PIAS1: variants seen among roughly 807,000 people sequenced by gnomAD.
The protein encoded by PIAS1 is protein inhibitor of activated STAT 1.
Under a neutral mutation model 71.3 loss-of-function variants are expected in PIAS1, and 6 were observed. The ratio of observed to expected loss-of-function variants is 0.08; its 90% confidence interval spans 0.05 to 0.17. The LOEUF is 0.17. Among genes scored for constraint, PIAS1 ranks in the 10% least tolerant of loss-of-function variants. The pLI is 1.00. For missense variants in PIAS1, 555 were observed against 793.6 expected (o/e 0.70, Z 3.61); for synonymous variants, 303 against 292.9 (o/e 1.03, Z -0.35).
intron 1 of PIAS1, among the ~76,000 whole-genome samples, chr15:68,068,509 A>G (rs1214481294): frequency 2.0e-5 from 3 of 151,988 alleles, no homozygotes; most frequent in South Asian, 2.1e-4. Flanking sequence ...TTGGAGTACA[A>G]TGGCGCTATC....
At position 68,192,670 on chromosome 15, in the gene PIAS1, C is replaced by CA. The variant is rs770584767; in HGVS notation, c.*4836dup. 6.6e-6 allele frequency: 1 copy of CA among 152,194 alleles called. No homozygotes were observed. The highest frequency in any genetic ancestry group is 6.5e-5 in the Admixed American group (1 of 15,278). 9.4% of individuals were successfully genotyped at this position (152,194 alleles called of 1,614,324 possible). On this transcript the variant is annotated 3_prime_UTR_variant, in exon 14 of 14. Coordinates refer to ENST00000249636, the MANE Select transcript of PIAS1 (RefSeq NM_016166.3). Reference sequence around the variant, plus strand: ...CTAACACTACAACTCTTGTTCCCTGCAGTTTTCCCTGTGCCCGGTGCCTAG... The same window carrying CA: ...CTAACACTACAACTCTTGTTCCCTGCAAGTTTTCCCTGTGCCCGGTGCCTAG...
At chr15:68,055,219 G>C (rs2091882814) in intron 1 of PIAS1, 1 of 985,112 alleles carries the variant, frequency 1.0e-6, no homozygotes, top group Admixed American at 6.1e-5. Context: ...TGGCGATGCT[G>C]TAGCTGATGG....
At position 68,093,805 on chromosome 15, in the gene PIAS1, T is replaced by G. The variant is rs139214713; in HGVS notation, c.469+7055T>G. On this transcript the variant is annotated intron_variant, in intron 2 of 13. Coordinates refer to ENST00000249636, the MANE Select transcript of PIAS1 (RefSeq NM_016166.3). ...ATAATGAGTATAAAAATGAAATAAT[T>G]TCCTAGTCATTTTTTCTTGTCTGTT... Among the ~76,000 whole-genome samples the G allele has an allele frequency of 3.4e-3, 511 of 152,304 alleles. 3 individuals carry two copies. Among genetic ancestry groups the G allele is most frequent in the African/African-American group, 0.011 (455 of 41,566 alleles).
chr15:68,065,915 C>CTTTTTTTTTTTT lies in PIAS1; in HGVS notation c.24+11582_24+11593dup, dbSNP rs869104577. Among the ~76,000 whole-genome samples, 70 of 40,174 alleles carry CTTTTTTTTTTTT rather than the reference C, an allele frequency of 1.7e-3. 16 individuals carry two copies. Among genetic ancestry groups the CTTTTTTTTTTTT allele is most frequent in the African/African-American group, 8.2e-3 (62 of 7,532 alleles). 26.4% of individuals were successfully genotyped at this position (40,174 alleles called of 152,430 possible). A position where few individuals can be genotyped will look rare whatever the true frequency, so the allele number is the denominator to read the frequency against. Reference sequence around the variant, plus strand: ...GCCACCATGCTCAGCTGACTAAAAGCTTTTTTTTTTTTTTTTTTTTTTTTT... The same window carrying CTTTTTTTTTTTT: ...GCCACCATGCTCAGCTGACTAAAAGCTTTTTTTTTTTTTTTTTTTTTTTTTTTTTTTTTTTTT... On this transcript the variant is annotated intron_variant, in intron 1 of 13. Transcript: ENST00000249636.
intron 1 of PIAS1, chr15:68,057,721 G>T: frequency 4.5e-6 from 1 of 221,158 alleles, no homozygotes; most frequent in Non-Finnish European, 9.1e-6. Flanking sequence ...GATTTGATTT[G>T]AATCTCTATA....
intron 1 of PIAS1, among the ~76,000 whole-genome samples, chr15:68,074,986 ATATG>A (rs1166258510): frequency 6.6e-6 from 1 of 151,374 alleles, no homozygotes; most frequent in African/African-American, 2.4e-5. Context: ...AGAATGTGTA[ATATG>A]TTTTCATGAG....
intron 7 of PIAS1, among the ~76,000 whole-genome samples, chr15:68,161,490 T>G (rs2092924083): frequency 1.4e-5 from 2 of 146,470 alleles, no homozygotes; most frequent in Admixed American, 6.8e-5. Context: ...AGGCATAGGT[T>G]TTTTTTTTTT....
chr15:68,130,136 A>G (rs2092679997), intron 2 of PIAS1, among the ~76,000 whole-genome samples: 2 of 152,096 alleles, frequency 1.3e-5, no homozygotes, highest in African/African-American at 4.8e-5. Flanking sequence ...CATATACCCC[A>G]TAAATATATA....
intron 7 of PIAS1, among the ~76,000 whole-genome samples, chr15:68,160,501 C>G (rs28897433): frequency 6.6e-6 from 1 of 152,050 alleles, no homozygotes; most frequent in South Asian, 2.1e-4. Context: ...GTCTTAATTA[C>G]CGTAGCTTGA....
At chr15:68,068,699 C>T (rs1270460132) in intron 1 of PIAS1, among the ~76,000 whole-genome samples, 1 of 151,880 alleles carries the variant, frequency 6.6e-6, no homozygotes, top group Non-Finnish European at 1.5e-5. Flanking sequence ...GTGTTCCACC[C>T]ACCTCAGCCT....
At chr15:68,137,665 G>A (rs2092742965) in intron 2 of PIAS1, among the ~76,000 whole-genome samples, 1 of 152,112 alleles carries the variant, frequency 6.6e-6, no homozygotes, top group Admixed American at 6.6e-5. Context: ...TTGAAGGCTT[G>A]ACAAGTTAGT....
rs374271956 is a variant in PIAS1, at chr15:68,176,490, A to C, written c.1317A>C (p.Thr439=). ...YNGVDGCLSS[T]LEHQVASHHQ... Reference sequence around the variant, plus strand: ...CCCATATAGGATGCTTGAGCTCCACATTGGAGCATCAGGTAGCGTCTCACC... The same window carrying C: ...CCCATATAGGATGCTTGAGCTCCACCTTGGAGCATCAGGTAGCGTCTCACC... The change falls in exon 11 of 14, where the codon ACA becomes ACC. Residue 439 remains threonine (T), a synonymous_variant. Transcript: ENST00000249636. 2 of 1,603,056 alleles carry C rather than the reference A, an allele frequency of 1.2e-6. No homozygotes were observed. Among genetic ancestry groups the C allele is most frequent in the East Asian group, 2.2e-5 (1 of 44,646 alleles).
chr15:68,153,645 A>T lies in PIAS1; in HGVS notation c.884A>T (p.Gln295Leu), dbSNP rs1188164647. The T allele has an allele frequency of 6.3e-7, 1 of 1,597,602 alleles. No individual in the cohort carries two copies. Among genetic ancestry groups the T allele is most frequent in the Non-Finnish European group, 8.6e-7 (1 of 1,165,450 alleles). Reference protein sequence around the residue: ...VKQLSSTVLLQRLRAKGIRNP... With the variant: ...VKQLSSTVLLLRLRAKGIRNP... ...CAGTTGTCCTCAACAGTTCTTCTTC[A>T]GAGGTTACGAGCAAAGGGAATAAGG... Residue 295 changes from glutamine (Q) to leucine (L), a missense_variant, in exon 7 of 14, where the codon CAG becomes CTG. By Grantham distance (113) the Gln-to-Leu change is moderately radical. Transcript: ENST00000249636.
intron 7 of PIAS1, among the ~76,000 whole-genome samples, chr15:68,162,022 C>T (rs2092927899): frequency 6.6e-6 from 1 of 151,936 alleles, no homozygotes; most frequent in African/African-American, 2.4e-5. Context: ...CTCACTGCAA[C>T]CTCTGCCTCC....
intron 1 of PIAS1, among the ~76,000 whole-genome samples, chr15:68,056,266 C>G (rs2091895153): frequency 6.6e-6 from 1 of 152,224 alleles, no homozygotes; most frequent in South Asian, 2.1e-4. Flanking sequence ...TATTGTCACT[C>G]TTGATGCTGT....
At chr15:68,095,845 A>C (rs896713961) in intron 2 of PIAS1, among the ~76,000 whole-genome samples, 5 of 152,016 alleles carry the variant, frequency 3.3e-5, no homozygotes, top group Non-Finnish European at 7.4e-5. Context: ...CTTTTTCTTC[A>C]TTCCTGACAG....
intron 2 of PIAS1, among the ~76,000 whole-genome samples, chr15:68,113,913 A>G (rs1484474852): frequency 3.3e-5 from 5 of 152,174 alleles, no homozygotes; most frequent in African/African-American, 1.2e-4. Flanking sequence ...TTGTACTCCA[A>G]AGAACTTTAG....
chr15:68,139,589 G>A (rs888505182), intron 2 of PIAS1, among the ~76,000 whole-genome samples: 3 of 152,110 alleles, frequency 2.0e-5, no homozygotes, highest in Non-Finnish European at 4.4e-5. Context: ...TATACTGTAT[G>A]TGTCAAAACA....
chr15:68,126,173 T>G (rs1377280640), intron 2 of PIAS1, among the ~76,000 whole-genome samples: 1 of 152,218 alleles, frequency 6.6e-6, no homozygotes, highest in African/African-American at 2.4e-5. Context: ...GGAACTTGTC[T>G]TGAATTATTT....
Sources: gnomAD v4.1 joint callset for allele counts (sites outside exome capture counted in the v4.1 genomes callset) on GRCh38, gnomAD v4.1.1 for gene constraint, MANE v1.5 for transcripts, NCBI Gene and HGNC (gene_info 2026-07-23, HGNC 2026-07-21) for gene names.